The following LRBA variants were observed in gnomAD, a reference collection of about 807,000 sequenced individuals.
LRBA encodes the protein lipopolysaccharide-responsive and beige-like anchor protein.
LRBA carries 176 observed loss-of-function variants against 330.0 expected under a neutral mutation model. The observed-to-expected ratio is 0.53, with a 90% CI of 0.47 to 0.60. The LOEUF is 0.60. Ranked by LOEUF, LRBA falls within the 20% of genes least tolerant of loss-of-function variation. The probability of loss-of-function intolerance (pLI) is 0.00; values close to 1 mark genes in which losing one functional copy is unlikely to be tolerated. For synonymous variants in LRBA, 1,230 were observed against 1,193.0 expected, an observed-to-expected ratio of 1.03 and a Z score of -0.64; for missense variants, 3,259 against 3,444.8, an observed-to-expected ratio of 0.95 and a Z score of 1.35.
At chr4:150,410,045 C>T (rs181909997) in intron 47 of LRBA, among the ~76,000 whole-genome samples, 137 of 151,916 alleles carry the variant, frequency 9.0e-4, no homozygotes, top group Non-Finnish European at 1.8e-3. Flanking sequence ...GAAACAATAA[C>T]AACAAAAAAA....
At chr4:150,704,536 TCTA>T (rs1475500483) in intron 36 of LRBA, among the ~76,000 whole-genome samples, 22 of 152,094 alleles carry the variant, frequency 1.4e-4, no homozygotes, top group Non-Finnish European at 2.5e-4. Context: ...GTACCTGAAT[TCTA>T]TTTTTAAAAG....
intron 47 of LRBA, among the ~76,000 whole-genome samples, chr4:150,406,245 T>G (rs1338188454): frequency 6.6e-6 from 1 of 152,098 alleles, no homozygotes; most frequent in Non-Finnish European, 1.5e-5. Flanking sequence ...ATGGTAGACA[T>G]GAATCCAACT....
At chr4:150,646,912 A>T (rs916764789) in intron 37 of LRBA, among the ~76,000 whole-genome samples, 5 of 152,178 alleles carry the variant, frequency 3.3e-5, no homozygotes, top group African/African-American at 1.2e-4. Flanking sequence ...TATGAAAAAA[A>T]TATGAAATCT....
chr4:150,435,748 G>T lies in LRBA; in HGVS notation c.6922-40C>A, dbSNP rs2271043. The T allele has an allele frequency of 0.28, 424,912 of 1,533,828 alleles. 63,432 individuals are homozygous for T. The highest frequency in any genetic ancestry group is 0.31 in the Non-Finnish European group (350,125 of 1,131,874). ...TTAAAAAAATCCATATGTTCCCTCA[G>T]GCATAAAAATGTGGTTTTTATAAAT... On this transcript the variant is annotated intron_variant, in intron 45 of 56. Transcript: ENST00000651943.
Position 150,908,392 on chromosome 4 carries a change from G to A in LRBA, c.1435C>T (p.Leu479Phe). Reference protein sequence around the residue: ...SIGGVQVLFPLFAQLDYRQYL... With the variant: ...SIGGVQVLFPFFAQLDYRQYL... ...TGCCTGTAATCCAACTGTGCAAAAA[G>A]TGGAAATAGTACTTGTACTCCTCCA... The change falls in exon 11 of 57, where the codon CTT (leucine) becomes TTT (phenylalanine). Residue 479 changes from leucine (L) to phenylalanine (F), a missense_variant. Transcript: ENST00000651943. The A allele has an allele frequency of 6.2e-7, 1 of 1,610,916 alleles. No individual in the cohort carries two copies.
chr4:150,478,330 T>G (rs925430168), intron 42 of LRBA, among the ~76,000 whole-genome samples: 1 of 151,574 alleles, frequency 6.6e-6, no homozygotes, highest in Non-Finnish European at 1.5e-5. Context: ...TCCCTCCACC[T>G]CCTCCACACA....
chr4:150,744,303 T>G (rs1044083947), intron 35 of LRBA, among the ~76,000 whole-genome samples: 1 of 152,200 alleles, frequency 6.6e-6, no homozygotes, highest in Non-Finnish European at 1.5e-5. Flanking sequence ...AAACATTAAT[T>G]GAATTGATTA....
chr4:150,604,329 A>ACC, intron 37 of LRBA, among the ~76,000 whole-genome samples: 1 of 151,854 alleles, frequency 6.6e-6, no homozygotes, highest in Admixed American at 6.6e-5. Context: ...TCTTGAGCCC[A>ACC]TAAGTTGGAG....
At chr4:150,690,443 C>A (rs541032980) in intron 36 of LRBA, among the ~76,000 whole-genome samples, 1 of 149,554 alleles carries the variant, frequency 6.7e-6, no homozygotes, top group Non-Finnish European at 1.5e-5. Flanking sequence ...TTGGAGGTTG[C>A]AGTGAGCCGA....
intron 40 of LRBA, among the ~76,000 whole-genome samples, chr4:150,576,812 A>T (rs1770600174): frequency 6.6e-6 from 1 of 151,976 alleles, no homozygotes; most frequent in Non-Finnish European, 1.5e-5. Flanking sequence ...ATTTTTCAGT[A>T]CAGTTTGATA....
chr4:150,505,456 T>G (rs554452299), intron 40 of LRBA, among the ~76,000 whole-genome samples: 1 of 152,310 alleles, frequency 6.6e-6, no homozygotes, highest in East Asian at 1.9e-4. Flanking sequence ...ACATGGAAAC[T>G]GAACAACCTG....
chr4:150,593,227 A>G (rs939473471), intron 38 of LRBA, among the ~76,000 whole-genome samples: 1 of 152,224 alleles, frequency 6.6e-6, no homozygotes, highest in African/African-American at 2.4e-5. Flanking sequence ...GAATAAGTAT[A>G]CCACATTCTT....
chr4:150,382,448 A>ACCCC (rs1242873667), intron 47 of LRBA, among the ~76,000 whole-genome samples: 1 of 151,890 alleles, frequency 6.6e-6, no homozygotes, highest in Admixed American at 6.6e-5. Context: ...ACACGGTGAA[A>ACCCC]CCCCATCCTA....
intron 20 of LRBA, among the ~76,000 whole-genome samples, chr4:150,869,952 T>G (rs1056633468): frequency 2.0e-5 from 3 of 152,110 alleles, no homozygotes; most frequent in African/African-American, 7.2e-5. Flanking sequence ...AAATTAGCAC[T>G]GGAGTACCAA....
chr4:150,694,462 C>CAAAAAAAAAAAAAAAAAAAAAAAAA lies in LRBA; in HGVS notation c.5755-10746_5755-10745insTTTTTTTTTTTTTTTTTTTTTTTTT, dbSNP rs58558446. 9.6e-4 allele frequency among the ~76,000 whole-genome samples: 68 copies of CAAAAAAAAAAAAAAAAAAAAAAAAA among 71,010 alleles called. 10 individuals carry two copies. The highest frequency in any genetic ancestry group is 3.1e-3 in the African/African-American group (63 of 20,394). The allele number at this position is 71,010 out of a possible 152,430, so 46.6% of individuals were successfully genotyped here. ...CCTTACCTTAAAGTGTGATCTTTAACAAAAAAAAAAAAAAGCTATCTACAG... is the reference window on the plus strand; with the variant it reads ...CCTTACCTTAAAGTGTGATCTTTAACAAAAAAAAAAAAAAAAAAAAAAAAAAAAAAAAAAAAAAAGCTATCTACAG... On this transcript the variant is annotated intron_variant, in intron 36 of 56. Transcript: ENST00000651943.
At chr4:150,443,881 T>A (rs868470773) in intron 44 of LRBA, among the ~76,000 whole-genome samples, 8,233 of 109,830 alleles carry the variant, frequency 0.075, 332 homozygotes, top group Admixed American at 0.092. Context: ...TATTTTTTTT[T>A]TTTTTTTTTT....
intron 48 of LRBA, among the ~76,000 whole-genome samples, chr4:150,344,335 A>G (rs1353650786): frequency 6.6e-6 from 1 of 152,184 alleles, no homozygotes; most frequent in African/African-American, 2.4e-5. Context: ...TAAAGCTTAA[A>G]TTATTTTCTT....
At chr4:150,897,944 A>G in intron 14 of LRBA, 126 bp from the exon 15 acceptor site, 2 of 646,186 alleles carry the variant, frequency 3.1e-6, no homozygotes, top group Non-Finnish European at 5.6e-6. Context: ...GGTCTCCTAC[A>G]GAATGACCTT....
At chr4:150,813,175 AAG>A (rs1180757728) in intron 31 of LRBA, among the ~76,000 whole-genome samples, 1,855 of 10,298 alleles carry the variant, frequency 0.18, 47 homozygotes, top group African/African-American at 0.3. Flanking sequence ...AAAAAAAAAA[AAG>A]AAAGAAAGAA....
Sources: allele counts gnomAD v4.1 joint callset (sites outside exome capture counted in the v4.1 genomes callset), GRCh38; gene constraint gnomAD v4.1.1; transcripts MANE v1.5; gene names NCBI Gene and HGNC (gene_info 2026-07-23, HGNC 2026-07-21).